Variants in NDUFA10 observed in about 807,000 individuals in gnomAD.
NDUFA10 encodes the protein NADH:ubiquinone oxidoreductase subunit A10, also known as NADH dehydrogenase [ubiquinone] 1 alpha subcomplex subunit 10, mitochondrial.
In NDUFA10, 40 loss-of-function variants were observed where a neutral mutation model predicts 47.8. That is an observed-to-expected ratio of 0.84 (90% CI 0.65 to 1.09). NDUFA10 has a LOEUF of 1.09. Among genes scored for constraint, NDUFA10 ranks in the 50% least tolerant of loss-of-function variants. NDUFA10 has a pLI of 0.00. For synonymous variants in NDUFA10, 183 were observed against 172.2 expected, an observed-to-expected ratio of 1.06 and a Z score of -0.49; for missense variants, 413 against 451.1, an observed-to-expected ratio of 0.92 and a Z score of 0.76.
chr2:239,961,320 G>A, intron 9 of NDUFA10, 134 bp from the exon 10 acceptor site: 1 of 1,530,250 alleles, frequency 6.5e-7, no homozygotes, highest in Non-Finnish European at 8.9e-7. Flanking sequence ...CACATGATCT[G>A]TGGCAGGTGT....
intron 9 of NDUFA10, among the ~76,000 whole-genome samples, chr2:239,976,252 C>T (rs1030596849): frequency 3.3e-5 from 5 of 152,330 alleles, no homozygotes; most frequent in Middle Eastern, 3.4e-3. Context: ...GTAACCCCCA[C>T]GTGGCTTAGG....
chr2:240,011,157 G>A (rs535615477), intron 6 of NDUFA10, among the ~76,000 whole-genome samples: 2 of 152,328 alleles, frequency 1.3e-5, no homozygotes, highest in Non-Finnish European at 2.9e-5. Context: ...GTCTGGTGGT[G>A]TTTCCTTCAT....
chr2:239,971,296 C>CA (rs1462476748), intron 9 of NDUFA10, among the ~76,000 whole-genome samples: 1 of 152,228 alleles, frequency 6.6e-6, no homozygotes, highest in Non-Finnish European at 1.5e-5. Context: ...CAAGGGTCTC[C>CA]AAGTAGGTCT....
rs766261841 is a variant in NDUFA10 at position 240,018,484 on chromosome 2, G to C, written c.547+69C>G. On this transcript the variant is annotated intron_variant, in intron 4 of 9. Coordinates refer to ENST00000252711, the MANE Select transcript of NDUFA10 (RefSeq NM_004544.4). ...ACATTCATAAACACAGTAAGTGCAA[G>C]GTGAGTCTATCACAGCCCTTGCAAA... The C allele has an allele frequency of 1.9e-6, 3 of 1,613,596 alleles. No homozygotes were observed. The Admixed American group carries it at 5.0e-5, about 27-fold the overall frequency.
intron 4 of NDUFA10, among the ~76,000 whole-genome samples, chr2:239,925,952 T>C (rs913556947): frequency 1.3e-5 from 2 of 152,188 alleles, no homozygotes; most frequent in Non-Finnish European, 2.9e-5. Flanking sequence ...AATATCACTA[T>C]ACATCTTTCA....
chr2:240,001,118 T>C (rs1383565354), intron 8 of NDUFA10, among the ~76,000 whole-genome samples: 1 of 152,166 alleles, frequency 6.6e-6, no homozygotes, highest in Non-Finnish European at 1.5e-5. Flanking sequence ...CACTGGGGCA[T>C]GCACAGAAAA....
intron 5 of NDUFA10, 77 bp from the exon 6 acceptor site, chr2:240,011,773 A>G: frequency 1.5e-6 from 2 of 1,296,766 alleles, no homozygotes; most frequent in Non-Finnish European, 2.2e-6. Flanking sequence ...ATAAAATGCG[A>G]AGACAATCAC....
downstream of NDUFA10, among the ~76,000 whole-genome samples, chr2:239,953,632 C>T (rs1427414249): frequency 2.0e-5 from 3 of 152,196 alleles, no homozygotes; most frequent in African/African-American, 7.2e-5. Flanking sequence ...AAGTCCCCCA[C>T]CTTAGTTCCA....
chr2:239,900,352 ATATATATT>A, intron 4 of NDUFA10, among the ~76,000 whole-genome samples: 1 of 60,562 alleles, frequency 1.7e-5, no homozygotes, highest in Non-Finnish European at 3.4e-5. Context: ...ATATATATAT[ATATATATT>A]TATCCTATTA....
chr2:239,944,239 C>T (rs1266191473), intron 4 of NDUFA10, among the ~76,000 whole-genome samples: 1 of 152,258 alleles, frequency 6.6e-6, no homozygotes, highest in African/African-American at 2.4e-5. Context: ...GGACCTGGGG[C>T]CAGCCTAGAC....
chr2:239,908,454 C>T (rs191287019), intron 4 of NDUFA10, among the ~76,000 whole-genome samples: 8 of 152,270 alleles, frequency 5.3e-5, no homozygotes, highest in Non-Finnish European at 1.0e-4. Flanking sequence ...TGCCCCTGGG[C>T]ACGGTGCTCC....
chr2:239,920,196 G>A (rs751166483), intron 4 of NDUFA10, among the ~76,000 whole-genome samples: 26 of 152,342 alleles, frequency 1.7e-4, no homozygotes, highest in East Asian at 1.2e-3. Context: ...CTCCAACCCC[G>A]TGTGAGGGTT....
In NDUFA10 at chr2:239,910,671, C is replaced by T. The variant is rs551099672; in HGVS notation, c.295-15357G>A. 2.0e-5 allele frequency among the ~76,000 whole-genome samples: 3 copies of T among 152,256 alleles called. No homozygotes were observed. In the East Asian group the frequency reaches 5.8e-4, roughly 29 times the overall value. Reference sequence around the variant, plus strand: ...GCAAACCACCATGACACACGTTTACCTGTGCAACAAACCCACACGCCCCGC... The same window carrying T: ...GCAAACCACCATGACACACGTTTACTTGTGCAACAAACCCACACGCCCCGC... On this transcript the variant is annotated intron_variant, in intron 4 of 5. Coordinates refer to the NDUFA10 transcript ENST00000419408.
rs891655302 is a variant in NDUFA10, at chr2:239,958,991, T to G, written c.*2127A>C. ...TTCGTGAGACGAACGCATGTACTGC[T>G]CTGAAATAAGGAAATCGGGGCATCT... On this transcript the variant is annotated 3_prime_UTR_variant, in exon 10 of 10. Coordinates refer to ENST00000252711, the MANE Select transcript of NDUFA10 (RefSeq NM_004544.4). 26 of 985,346 alleles carry G rather than the reference T, an allele frequency of 2.6e-5. No individual in the cohort carries two copies. Among genetic ancestry groups the G allele is most frequent in the Middle Eastern group, 5.2e-4 (1 of 1,936 alleles). 61.0% of individuals were successfully genotyped at this position (985,346 alleles called of 1,614,324 possible). A position where few individuals can be genotyped will look rare whatever the true frequency, so the allele number is the denominator to read the frequency against.
chr2:239,982,924 G>C (rs1695835799), intron 9 of NDUFA10, among the ~76,000 whole-genome samples: 1 of 152,174 alleles, frequency 6.6e-6, no homozygotes, highest in Non-Finnish European at 1.5e-5. Flanking sequence ...CCAGATAAAA[G>C]GAAGCCACTC....
intron 4 of NDUFA10, among the ~76,000 whole-genome samples, chr2:239,937,945 C>T (rs527622116): frequency 1.3e-5 from 2 of 152,310 alleles, no homozygotes; most frequent in Admixed American, 1.3e-4. Flanking sequence ...ATGTGCCACA[C>T]TGTCACTGGC....
At chr2:239,949,799 G>A (rs997369905) in intron 4 of NDUFA10, among the ~76,000 whole-genome samples, 7 of 152,298 alleles carry the variant, frequency 4.6e-5, no homozygotes, top group African/African-American at 1.7e-4. Flanking sequence ...GTTGAGGTGG[G>A]ACATTGGTCT....
At chr2:239,982,247 T>C in intron 9 of NDUFA10, 1 of 1,610,456 alleles carries the variant, frequency 6.2e-7, no homozygotes, top group Non-Finnish European at 8.5e-7. Flanking sequence ...ACAATTCTGT[T>C]CACCTCGCCT....
intron 5 of NDUFA10, chr2:239,895,099 T>C: frequency 3.8e-6 from 1 of 262,866 alleles, no homozygotes; most frequent in South Asian, 3.4e-5. Context: ...AGAAGAATCT[T>C]GCCTTCACCC....
Sources: allele counts gnomAD v4.1 joint callset (sites outside exome capture counted in the v4.1 genomes callset), GRCh38; gene constraint gnomAD v4.1.1; transcripts MANE v1.5; gene names NCBI Gene and HGNC (gene_info 2026-07-23, HGNC 2026-07-21).